MGAM: variants seen among roughly 807,000 people sequenced by gnomAD.
MGAM encodes alpha-1,4-glucosidase.
In MGAM, 253 loss-of-function variants were observed where a neutral mutation model predicts 358.8. The ratio of observed to expected loss-of-function variants is 0.71; its 90% CI spans 0.64 to 0.78. The LOEUF (loss-of-function observed/expected upper bound fraction) is 0.78. Ranked by LOEUF, MGAM falls within the 30% of genes least tolerant of loss-of-function variation. The probability of loss-of-function intolerance (pLI) is 0.00; values close to 1 mark genes in which losing one functional copy is unlikely to be tolerated. For missense variants in MGAM, 3,080 were observed against 3,432.6 expected (o/e 0.90, Z 2.57); for synonymous variants, 1,105 against 1,227.1 (o/e 0.90, Z 2.08).
intron 9 of MGAM, 55 bp downstream of exon 9, chr7:142,027,282 T>A (rs1807069157): frequency 2.9e-6 from 4 of 1,373,460 alleles, no homozygotes; most frequent in Non-Finnish European, 3.1e-6. Flanking sequence ...GCAAATATTT[T>A]AAAAAAGTAA....
intron 24 of MGAM, among the ~76,000 whole-genome samples, chr7:142,051,775 A>G (rs181563192): frequency 2.4e-4 from 36 of 152,282 alleles, no homozygotes; most frequent in African/African-American, 8.2e-4. Context: ...CATATAACCC[A>G]TAAATATGCA....
intron 17 of MGAM, among the ~76,000 whole-genome samples, chr7:142,036,538 C>A (rs1808011690): frequency 6.6e-6 from 1 of 152,152 alleles, no homozygotes; most frequent in African/African-American, 2.4e-5. Context: ...CTTCTGTACG[C>A]TTTATCTACA....
At chr7:142,006,773 C>A (rs1238409034) in intron 2 of MGAM, among the ~76,000 whole-genome samples, 2 of 152,092 alleles carry the variant, frequency 1.3e-5, no homozygotes, top group African/African-American at 4.8e-5. Context: ...TTTCATTTTT[C>A]AGTCAGAACT....
Position 142,054,794 on chromosome 7 carries a change from C to T in MGAM, c.3200C>T (p.Pro1067Leu), listed in dbSNP as rs372065250. 38 of 1,613,802 alleles carry T rather than the reference C, an allele frequency of 2.4e-5. No individual in the cohort carries two copies. The African/African-American group carries it at 4.9e-4, about 21-fold the overall frequency. Residue 1067 changes from proline (P) to leucine (L), a missense_variant, in exon 27 of 71, where the codon CCT becomes CTT. Coordinates refer to ENST00000475668, the MANE Select transcript of MGAM (RefSeq NM_001365693.1). ...AAGAATCGGTATGAAGTTCCAGTCCCTCTGAACATACCCAGCATGCCATCC... is the reference window on the plus strand; with the variant it reads ...AAGAATCGGTATGAAGTTCCAGTCCTTCTGAACATACCCAGCATGCCATCC... Reference protein sequence around the residue: ...PNKNRYEVPVPLNIPSMPSST... With the variant: ...PNKNRYEVPVLLNIPSMPSST...
intron 24 of MGAM, 43 bp from the exon 25 acceptor site, chr7:142,052,251 T>C (rs1811055716): frequency 6.6e-7 from 1 of 1,525,570 alleles, no homozygotes; most frequent in Non-Finnish European, 8.8e-7. Flanking sequence ...GCAAAGCCTG[T>C]CTCCTAAAGA....
intron 9 of MGAM, 70 bp downstream of exon 9, chr7:142,027,297 C>A: frequency 7.9e-7 from 1 of 1,273,292 alleles, no homozygotes; most frequent in Non-Finnish European, 1.1e-6. Context: ...AAGTAAAATT[C>A]ATGTGCAAGT....
At chr7:142,068,732 C>G in intron 43 of MGAM, 29 bp downstream of exon 43, 1 of 1,449,544 alleles carries the variant, frequency 6.9e-7, no homozygotes, top group Non-Finnish European at 9.6e-7. Flanking sequence ...TTATATAACA[C>G]GGGAATGTGG....
At chr7:142,088,816 ATGTACCATCTATCTATCTAT>A (rs1563214461) in intron 57 of MGAM, among the ~76,000 whole-genome samples, 4 of 102,854 alleles carry the variant, frequency 3.9e-5, no homozygotes, top group African/African-American at 1.3e-4. Context: ...TATCCTATCT[ATGTACCATCTATCTATCTAT>A]CTATCTATCT....
chr7:142,027,168 C>G lies in MGAM; in HGVS notation c.1036C>G (p.Leu346Val). Residue 346 changes from leucine (L) to valine (V), a missense_variant, in exon 9 of 71, where the codon CTC becomes GTC. Around this residue, in one of 5 missense-constraint regions of MGAM, gnomAD observed 1,816 missense variants for 1,840.5 expected, o/e 0.99. Coordinates refer to ENST00000475668, the MANE Select transcript of MGAM (RefSeq NM_001365693.1). Reference sequence around the variant, plus strand: ...CACTTACCGCACCATTGGGGGCATTCTCGACTTCTATGTGTTCTTGGGAAA... The same window carrying G: ...CACTTACCGCACCATTGGGGGCATTGTCGACTTCTATGTGTTCTTGGGAAA... ...AITYRTIGGILDFYVFLGNTP... is the reference protein window; with the variant it reads ...AITYRTIGGIVDFYVFLGNTP... 1.2e-6 allele frequency: 2 copies of G among 1,613,804 alleles called. No individual in the cohort carries two copies. Among genetic ancestry groups the G allele is most frequent in the Non-Finnish European group, 8.5e-7 (1 of 1,179,728 alleles).
chr7:141,987,886 C>T (rs1803778867), intron 2 of MGAM, among the ~76,000 whole-genome samples: 1 of 152,166 alleles, frequency 6.6e-6, no homozygotes, highest in South Asian at 2.1e-4. Context: ...TATGAGTGAC[C>T]TTTAGCAACT....
intron 60 of MGAM, 29 bp from the exon 61 acceptor site, chr7:142,094,335 C>T: frequency 2.0e-6 from 3 of 1,500,504 alleles, no homozygotes; most frequent in Non-Finnish European, 2.7e-6. Context: ...GCGGTGCCCT[C>T]AGTTCACCTC....
Position 142,021,751 on chromosome 7 carries a change from A to G in MGAM, c.710+14A>G. 1 of 1,613,524 alleles carries G rather than the reference A, an allele frequency of 6.2e-7. No individual in the cohort carries two copies. The highest frequency in any genetic ancestry group is 8.5e-7 in the Non-Finnish European group (1 of 1,179,516). On this transcript the variant is annotated intron_variant, in intron 6 of 70. Transcript: ENST00000475668. ...CAATCGTGTTTTGTAAGTTTTGGAA[A>G]CCTATCTAAGGATCAGAGTAGGAAG...
At position 142,094,819 on chromosome 7, in the gene MGAM, G is replaced by T. The variant is rs1323046336; in HGVS notation, c.7414G>T (p.Ala2472Ser). Residue 2472 changes from alanine to serine, a missense_variant, in exon 63 of 71, where the codon GCC becomes TCC. Ala to Ser is a moderately conservative substitution (Grantham distance 99). Transcript: ENST00000475668. ...GTGTGTTCGCTGGATGCAGCTGGGG[G>T]CCTTTTACCCCTTCTCAAGAAACCA... ...EMCVRWMQLGAFYPFSRNHNT... is the reference protein window; with the variant it reads ...EMCVRWMQLGSFYPFSRNHNT... The T allele has an allele frequency of 6.2e-7, 1 of 1,613,922 alleles. No individual in the cohort carries two copies. The highest frequency in any genetic ancestry group is 8.5e-7 in the Non-Finnish European group (1 of 1,179,886).
chr7:142,065,716 C>G lies in MGAM; in HGVS notation c.4655C>G (p.Thr1552Arg). The change falls in exon 40 of 71, where the codon ACG (threonine) becomes AGG (arginine). Residue 1552 changes from threonine to arginine, a missense_variant and splice_region_variant. Thr to Arg is a moderately conservative substitution (Grantham distance 71). Coordinates refer to ENST00000475668, the MANE Select transcript of MGAM (RefSeq NM_001365693.1). ...TCCTTTTATTTCCTCTTGTTTCAGA[C>G]GGGAGCAGATATCTGTGGGTTCTTT... ...MEFSLFGISY[T>R]GADICGFFQD... is the part of the protein sequence containing the mutation. 1 of 1,590,136 alleles carries G rather than the reference C, an allele frequency of 6.3e-7. No homozygotes were observed.
intron 27 of MGAM, 124 bp from the exon 28 acceptor site, chr7:142,055,434 T>G: frequency 8.5e-7 from 1 of 1,181,274 alleles, no homozygotes; most frequent in East Asian, 2.3e-5. Flanking sequence ...GAGTTTCAGT[T>G]TTGTTTGGGA....
intron 31 of MGAM, among the ~76,000 whole-genome samples, chr7:142,059,134 C>G (rs1226190844): frequency 1.3e-5 from 2 of 152,196 alleles, no homozygotes; most frequent in Admixed American, 1.3e-4. Flanking sequence ...ATACCAGGGG[C>G]AGCCTCTTGG....
chr7:142,037,182 G>A (rs530256264), intron 18 of MGAM, among the ~76,000 whole-genome samples: 53 of 152,138 alleles, frequency 3.5e-4, no homozygotes, highest in African/African-American at 1.1e-3. Flanking sequence ...TGTAAGCATC[G>A]CCTGTTCCCT....
In MGAM at chr7:142,052,791, A is replaced by G. The variant is rs565688553; in HGVS notation, c.2966A>G (p.Asn989Ser). 1.2e-4 allele frequency: 196 copies of G among 1,613,786 alleles called. 4 individuals are homozygous for G. In the South Asian group the frequency reaches 2.1e-3, roughly 17 times the overall value. Residue 989 changes from asparagine (N) to serine (S), a missense_variant, in exon 26 of 71, where the codon AAT becomes AGT. Around this residue, in one of 5 missense-constraint regions of MGAM, gnomAD observed 1,816 missense variants for 1,840.5 expected, o/e 0.99. Transcript: ENST00000475668. Reference sequence around the variant, plus strand: ...TTTGGCCTTACTTTTCAGGCATCCAATTCTTCTGGAGTCCCTTTTTGCTAT... The same window carrying G: ...TTTGGCCTTACTTTTCAGGCATCCAGTTCTTCTGGAGTCCCTTTTTGCTAT... The part of the protein sequence containing the change: ...TARGCIWEAS[N>S]SSGVPFCYFV...
At chr7:142,009,978 A>G (rs1196449783) in intron 3 of MGAM, among the ~76,000 whole-genome samples, 1 of 152,168 alleles carries the variant, frequency 6.6e-6, no homozygotes, top group Non-Finnish European at 1.5e-5. Flanking sequence ...TCTGGTGTCG[A>G]AACCATTGCT....
Sources: allele counts gnomAD v4.1 joint callset (sites outside exome capture counted in the v4.1 genomes callset), GRCh38; gene constraint gnomAD v4.1.1; regional missense constraint gnomAD v4.1.1; transcripts MANE v1.5; gene names NCBI Gene and HGNC (gene_info 2026-07-23, HGNC 2026-07-21).